Variants in LPP observed in about 807,000 individuals in gnomAD.
LPP encodes the protein LIM domain containing preferred translocation partner in lipoma.
A neutral mutation model predicts 60.4 loss-of-function variants in LPP; 38 were observed. The ratio of observed to expected loss-of-function variants is 0.63; its 90% CI spans 0.49 to 0.83. The LOEUF is 0.83. Ranked by LOEUF, LPP falls within the 40% of genes least tolerant of loss-of-function variation. LPP has a pLI of 0.00. For synonymous variants in LPP, 328 were observed against 290.8 expected, an observed-to-expected ratio of 1.13 and a Z score of -1.30; for missense variants, 902 against 783.6, an observed-to-expected ratio of 1.15 and a Z score of -1.80.
chr3:188,760,053 T>C, intron 8 of LPP, 60 bp from the exon 9 acceptor site: 1 of 1,501,724 alleles, frequency 6.7e-7, no homozygotes, highest in Non-Finnish European at 9.2e-7. Flanking sequence ...TCCTCCACTT[T>C]GGCTTTAGCA....
At chr3:188,862,506 T>G (rs1054124097) in intron 9 of LPP, among the ~76,000 whole-genome samples, 1 of 151,930 alleles carries the variant, frequency 6.6e-6, no homozygotes. Flanking sequence ...GAATACAAGA[T>G]AGTCTGGGCT....
intron 1 of LPP, among the ~76,000 whole-genome samples, chr3:188,215,117 C>T (rs1713007273): frequency 6.6e-6 from 1 of 151,958 alleles, no homozygotes; most frequent in African/African-American, 2.4e-5. Flanking sequence ...TCCAGCTTGG[C>T]CAACGTGATG....
intron 2 of LPP, among the ~76,000 whole-genome samples, chr3:188,293,199 G>T (rs1253099451): frequency 6.6e-6 from 1 of 152,204 alleles, no homozygotes; most frequent in East Asian, 1.9e-4. Context: ...CACATTATAG[G>T]TATTTATTAC....
intron 1 of LPP, chr3:188,179,149 T>TC (rs1254381080): frequency 7.4e-6 from 3 of 407,616 alleles, no homozygotes; most frequent in Admixed American, 2.8e-5. Context: ...GTCTACATAT[T>TC]CCCCCCGGCC....
chr3:188,303,212 C>T (rs547657043), intron 2 of LPP, among the ~76,000 whole-genome samples: 7 of 152,254 alleles, frequency 4.6e-5, no homozygotes, highest in African/African-American at 1.7e-4. Context: ...CTCAAGACTC[C>T]ACCATAAACA....
intron 5 of LPP, among the ~76,000 whole-genome samples, chr3:188,509,401 T>C (rs1329902147): frequency 6.6e-6 from 1 of 152,190 alleles, no homozygotes; most frequent in Non-Finnish European, 1.5e-5. Context: ...TCACATCCAG[T>C]TTAATCCTTT....
At chr3:188,817,673 G>A (rs1041332670) in intron 9 of LPP, among the ~76,000 whole-genome samples, 1 of 152,158 alleles carries the variant, frequency 6.6e-6, no homozygotes, top group Non-Finnish European at 1.5e-5. Context: ...AGGGCTGAGG[G>A]ATGGAGAGGA....
At chr3:188,247,325 A>T (rs1192504106) in intron 2 of LPP, 2 of 196,056 alleles carry the variant, frequency 1.0e-5, no homozygotes, top group African/African-American at 4.8e-5. Flanking sequence ...AGTTGGTAGG[A>T]GAGCAATACC....
At position 188,826,750 on chromosome 3, in the gene LPP, C is replaced by T. The variant is rs551959971; in HGVS notation, c.1411-39450C>T. ...AAACATATTGCCCTAATTGTCCTGGCTGAAAGTGACAGTCATCTCTGGACC... is the reference window on the plus strand; with the variant it reads ...AAACATATTGCCCTAATTGTCCTGGTTGAAAGTGACAGTCATCTCTGGACC... On this transcript the variant is annotated intron_variant, in intron 9 of 11. Transcript: ENST00000617246. Among the ~76,000 whole-genome samples, 6 of 152,182 alleles carry T rather than the reference C, an allele frequency of 3.9e-5. No individual in the cohort carries two copies. In the East Asian group the frequency reaches 1.2e-3, roughly 30 times the overall value.
chr3:188,783,265 C>T (rs1387669669), intron 9 of LPP, among the ~76,000 whole-genome samples: 1 of 152,072 alleles, frequency 6.6e-6, no homozygotes, highest in Non-Finnish European at 1.5e-5. Flanking sequence ...GAAATGCTGT[C>T]TCCACACTAT....
chr3:188,850,299 C>G (rs990644328), intron 9 of LPP, among the ~76,000 whole-genome samples: 2 of 152,152 alleles, frequency 1.3e-5, no homozygotes, highest in African/African-American at 2.4e-5. Context: ...ATTAATAGGA[C>G]TTGATACCTG....
intron 1 of LPP, among the ~76,000 whole-genome samples, chr3:188,188,451 C>A (rs1727219196): frequency 6.6e-6 from 1 of 152,148 alleles, no homozygotes; most frequent in African/African-American, 2.4e-5. Flanking sequence ...GACTTAGGCC[C>A]ATGATGCTCT....
At chr3:188,154,682 A>G (rs1361152303) in intron 1 of LPP, among the ~76,000 whole-genome samples, 2 of 152,242 alleles carry the variant, frequency 1.3e-5, no homozygotes, top group African/African-American at 2.4e-5. Flanking sequence ...GTTATTTACT[A>G]GAGGCCAGAC....
At chr3:188,269,645 A>ATATGTGTGTGTGTG (rs748506984) in intron 2 of LPP, among the ~76,000 whole-genome samples, 1,514 of 136,458 alleles carry the variant, frequency 0.011, 18 homozygotes, top group South Asian at 0.023. Flanking sequence ...CTTTTTTTTT[A>ATATGTGTGTGTGTG]TGTGTGTGTG....
At chr3:188,347,113 T>TTTGGCTTTAC (rs1296532699) in intron 3 of LPP, among the ~76,000 whole-genome samples, 1 of 152,160 alleles carries the variant, frequency 6.6e-6, no homozygotes, top group Non-Finnish European at 1.5e-5. Flanking sequence ...GTTTTACAGC[T>TTTGGCTTTAC]AATAAATATA....
At position 188,270,102 on chromosome 3, in the gene LPP, C is replaced by T. The variant is rs574175535; in HGVS notation, c.-67+44575C>T. ...AGAAAATCAGAGTATAGTGGTTGTT[C>T]GCAGGAAAGAGGTGGTATGAGATTG... On this transcript the variant is annotated intron_variant, in intron 2 of 11. Coordinates refer to ENST00000617246, the MANE Select transcript of LPP (RefSeq NM_001375462.1). 5.3e-5 allele frequency among the ~76,000 whole-genome samples: 8 copies of T among 151,844 alleles called. No homozygotes were observed. The East Asian group carries it at 1.4e-3, about 26-fold the overall frequency.
At chr3:188,573,341 T>G (rs963231355) in intron 6 of LPP, among the ~76,000 whole-genome samples, 2 of 152,146 alleles carry the variant, frequency 1.3e-5, no homozygotes, top group African/African-American at 4.8e-5. Flanking sequence ...GAGAATCTTC[T>G]GTTCTGAAAA....
intron 5 of LPP, among the ~76,000 whole-genome samples, chr3:188,489,071 C>T (rs1288571716): frequency 6.6e-6 from 1 of 152,154 alleles, no homozygotes; most frequent in Non-Finnish European, 1.5e-5. Context: ...GAATTTTGGA[C>T]TTGCAAGAGA....
chr3:188,608,979 T>C (rs752619145), intron 6 of LPP, among the ~76,000 whole-genome samples, 182 bp from the exon 7 acceptor site: 3 of 152,206 alleles, frequency 2.0e-5, no homozygotes, highest in Non-Finnish European at 2.9e-5. Flanking sequence ...TGCACAGATA[T>C]ACAACTGATT....
Sources: gnomAD v4.1 joint callset for allele counts (sites outside exome capture counted in the v4.1 genomes callset) on GRCh38, gnomAD v4.1.1 for gene constraint, MANE v1.5 for transcripts, NCBI Gene and HGNC (gene_info 2026-07-23, HGNC 2026-07-21) for gene names.